The following OTUD4 variants were observed in gnomAD, a reference collection of about 807,000 sequenced individuals.
OTUD4 encodes OTU deubiquitinase 4.
A neutral mutation model predicts 130.4 loss-of-function variants in OTUD4; 24 were observed. That is an observed-to-expected ratio of 0.18 (90% CI 0.13 to 0.26). The LOEUF is 0.26. Ranked by LOEUF, OTUD4 falls within the 10% of genes least tolerant of loss-of-function variation. The probability of loss-of-function intolerance (pLI) is 1.00; values close to 1 mark genes in which losing one functional copy is unlikely to be tolerated. For synonymous variants in OTUD4, 420 were observed against 472.5 expected (o/e 0.89, Z 1.44); for missense variants, 1,031 against 1,329.4 (o/e 0.78, Z 3.49).
Position 145,146,277 on chromosome 4 carries a change from G to A in OTUD4, c.1412C>T (p.Pro471Leu). The A allele has an allele frequency of 1.3e-6, 2 of 1,545,332 alleles. No homozygotes were observed. The highest frequency in any genetic ancestry group is 1.7e-6 in the Non-Finnish European group (2 of 1,151,690). Residue 471 changes from proline to leucine, a missense_variant, in exon 14 of 21, where the codon CCA becomes CTA. Pro to Leu is a moderately conservative substitution (Grantham distance 98). This residue lies in a region of OTUD4 where 900 missense variants were observed against 1,095.9 expected (regional missense o/e 0.82). Coordinates refer to ENST00000447906, the MANE Select transcript of OTUD4 (RefSeq NM_001366057.1). The stretch of plus-strand genomic sequence containing the variant: ...TCTTTTCATACATACGGAAAGGGCT[G>A]GGAAAGCCTGTTCATCTCTGTTCTG... ...EIQNRDEQAF[P>L]ALSSSSVNQS...
chr4:145,146,385 C>T lies in OTUD4; in HGVS notation c.1304G>A (p.Arg435Gln), dbSNP rs370178922. 6.3e-7 allele frequency: 1 copy of T among 1,581,342 alleles called. No homozygotes were observed. ...GGAAAGGCCGAAATAGTTAGATTCT[C>T]GACTTGTGTGATCAAAATCCTCAAC... is the stretch of plus-strand genomic sequence containing the variant. ...ERVEDFDHTS[R>Q]ESNYFGLSPE... Residue 435 changes from arginine (R) to glutamine (Q), a missense_variant, in exon 14 of 21, where the codon CGA (arginine) becomes CAA (glutamine). This residue lies in a region of OTUD4 where 900 missense variants were observed against 1,095.9 expected (regional missense o/e 0.82). Coordinates refer to ENST00000447906, the MANE Select transcript of OTUD4 (RefSeq NM_001366057.1).
Position 145,179,800 on chromosome 4 carries a change from C to G in OTUD4, c.159+15G>C. ...CCGCCTCCCCTCGAAGCCCTCCCCG[C>G]CCCCCCGCAATTACCTGCTCCGCCA... is the stretch of plus-strand genomic sequence containing the variant. On this transcript the variant is annotated intron_variant, in intron 1 of 20. Transcript: ENST00000447906. The G allele has an allele frequency of 1.3e-6, 2 of 1,501,328 alleles. No homozygotes were observed. The highest frequency in any genetic ancestry group is 8.9e-7 in the Non-Finnish European group (1 of 1,125,914). The allele number at this position is 1,501,328 out of a possible 1,614,324, so 93.0% of individuals were successfully genotyped here.
intron 10 of OTUD4, among the ~76,000 whole-genome samples, chr4:145,153,015 G>C (rs1277532873): frequency 6.6e-6 from 1 of 151,988 alleles, no homozygotes; most frequent in Non-Finnish European, 1.5e-5. Context: ...GATTACAGGC[G>C]TGAGCCACCA....
chr4:145,150,097 CTT>C (rs1245246123), intron 13 of OTUD4, among the ~76,000 whole-genome samples: 1 of 152,160 alleles, frequency 6.6e-6, no homozygotes, highest in Non-Finnish European at 1.5e-5. Flanking sequence ...ACAATCAAAA[CTT>C]ATCAGATCAA....
At chr4:145,147,508 C>A (rs1195812319) in intron 13 of OTUD4, among the ~76,000 whole-genome samples, 3 of 151,768 alleles carry the variant, frequency 2.0e-5, no homozygotes, top group African/African-American at 7.3e-5. Flanking sequence ...TCCTATCATC[C>A]AAAAAAAATG....
chr4:145,139,890 G>A, intron 20 of OTUD4, 61 bp downstream of exon 20: 1 of 544,816 alleles, frequency 1.8e-6, no homozygotes, highest in East Asian at 4.3e-5. Flanking sequence ...GTTAACACTA[G>A]TAATAATTTA....
Position 145,141,491 on chromosome 4 carries a change from T to G in OTUD4, c.1971A>C (p.Thr657=). 4 of 1,613,622 alleles carry G rather than the reference T, an allele frequency of 2.5e-6. No homozygotes were observed. The highest frequency in any genetic ancestry group is 3.4e-6 in the Non-Finnish European group (4 of 1,179,642). The change falls in exon 19 of 21, where the codon ACA becomes ACC. Residue 657 remains threonine, a synonymous_variant. Transcript: ENST00000447906. The part of the protein sequence containing the change: ...VNQPLMPLPQ[T]LSLYQDPLYP... ...AGAGTGGGTCTTGATAAAGGCTCAA[T>G]GTCTGAGGCAAAGGCATCAAGGGCT...
At chr4:145,153,185 C>A (rs1751145104) in intron 10 of OTUD4, among the ~76,000 whole-genome samples, 1 of 152,114 alleles carries the variant, frequency 6.6e-6, no homozygotes, top group South Asian at 2.1e-4. Context: ...CTTCTTTGTC[C>A]TTCTAAATTT....
At position 145,137,769 on chromosome 4, in the gene OTUD4, A is replaced by G. The variant is rs764199765; in HGVS notation, c.3006T>C (p.Ala1002=). ...AGTTGGCCCCAGGGCTGACCACATCAGCAGCAGTCTTAGGATCTTTTACTT... is the reference window on the plus strand; with the variant it reads ...AGTTGGCCCCAGGGCTGACCACATCGGCAGCAGTCTTAGGATCTTTTACTT... ...TEKVKDPKTA[A]DVVSPGANSV... is the part of the protein sequence containing the mutation. Residue 1002 remains alanine, a synonymous_variant, in exon 21 of 21, where the codon GCT becomes GCC. Coordinates refer to ENST00000447906, the MANE Select transcript of OTUD4 (RefSeq NM_001366057.1). 25 of 1,613,918 alleles carry G rather than the reference A, an allele frequency of 1.5e-5. No homozygotes were observed. Among genetic ancestry groups the G allele is most frequent in the Non-Finnish European group, 2.0e-5 (24 of 1,180,012 alleles).
Position 145,174,412 on chromosome 4 carries a change from C to T in OTUD4, c.243+249G>A, listed in dbSNP as rs6848987. Among the ~76,000 whole-genome samples, 644 of 152,270 alleles carry T rather than the reference C, an allele frequency of 4.2e-3. 3 individuals carry two copies. The highest frequency in any genetic ancestry group is 0.014 in the African/African-American group (590 of 41,536). On this transcript the variant is annotated intron_variant, in intron 2 of 20. Coordinates refer to ENST00000447906, the MANE Select transcript of OTUD4 (RefSeq NM_001366057.1). Reference sequence around the variant, plus strand: ...CTTGTCCAGGTCATCTTTCCATCCCCCACAGCTCAGCGTCTTATCCATCAT... The same window carrying T: ...CTTGTCCAGGTCATCTTTCCATCCCTCACAGCTCAGCGTCTTATCCATCAT...
At chr4:145,149,897 A>G (rs1750988853) in intron 13 of OTUD4, among the ~76,000 whole-genome samples, 1 of 152,204 alleles carries the variant, frequency 6.6e-6, no homozygotes, top group African/African-American at 2.4e-5. Flanking sequence ...CCTCTCAAAT[A>G]AAGCTCTTCC....
At chr4:145,159,470 A>C in intron 7 of OTUD4, 33 bp downstream of exon 7, 1 of 1,611,894 alleles carries the variant, frequency 6.2e-7, no homozygotes, top group Non-Finnish European at 8.5e-7. Context: ...CTTGTATGGC[A>C]CTAAGAAAGG....
In OTUD4 at chr4:145,138,423, C is replaced by A; in HGVS notation, c.2352G>T (p.Glu784Asp). 1 of 1,614,208 alleles carries A rather than the reference C, an allele frequency of 6.2e-7. No individual in the cohort carries two copies. The highest frequency in any genetic ancestry group is 1.1e-5 in the South Asian group (1 of 91,074). ...GTGAAGAAAATGTCGGCGGTCCAATCTCTGGCTGTGGCATTTGACCATTAA... is the reference window on the plus strand; with the variant it reads ...GTGAAGAAAATGTCGGCGGTCCAATATCTGGCTGTGGCATTTGACCATTAA... ...ASVNGQMPQP[E>D]IGPPTFSSPL... Residue 784 changes from glutamate (E) to aspartate (D), a missense_variant, in exon 21 of 21, where the codon GAG (glutamate) becomes GAT (aspartate). Glu to Asp is a conservative substitution (Grantham distance 45). Coordinates refer to ENST00000447906, the MANE Select transcript of OTUD4 (RefSeq NM_001366057.1).
chr4:145,152,742 G>A (rs1751123581), intron 10 of OTUD4, 107 bp from the exon 11 acceptor site: 7 of 635,882 alleles, frequency 1.1e-5, no homozygotes, highest in Non-Finnish European at 1.1e-5. Context: ...CTTGAGACAG[G>A]GTCTCACTCT....
intron 10 of OTUD4, 128 bp from the exon 11 acceptor site, chr4:145,152,763 C>G (rs1751123889): frequency 1.6e-6 from 1 of 606,166 alleles, no homozygotes; most frequent in African/African-American, 1.9e-5. Context: ...GTCACCCAGG[C>G]TGAAGTGCAG....
Position 145,144,344 on chromosome 4 carries a change from G to A in OTUD4, c.1513C>T (p.Arg505Trp), listed in dbSNP as rs538676813. ...SHVGDRKGSR[R>W]RMDTEERKDK... The stretch of plus-strand genomic sequence containing the variant: ...TTTCGTTCTTCTGTATCCATTCTCC[G>A]CCTGCTTCCTTTTCTATCACCTACA... The change falls in exon 15 of 21, where the codon CGG (arginine) becomes TGG (tryptophan). Residue 505 changes from arginine to tryptophan, a missense_variant. Around this residue, in one of 3 missense-constraint regions of OTUD4, gnomAD observed 900 missense variants for 1,095.9 expected, o/e 0.82. Coordinates refer to ENST00000447906, the MANE Select transcript of OTUD4 (RefSeq NM_001366057.1). The A allele has an allele frequency of 8.7e-6, 14 of 1,612,196 alleles. No homozygotes were observed. Among genetic ancestry groups the A allele is most frequent in the African/African-American group, 2.7e-5 (2 of 74,834 alleles).
At chr4:145,179,060 G>A (rs1475217749) in intron 1 of OTUD4, among the ~76,000 whole-genome samples, 1 of 151,836 alleles carries the variant, frequency 6.6e-6, no homozygotes. Flanking sequence ...CATGGAATAA[G>A]CTCGCTCAAA....
rs1750140915 is a variant in OTUD4 at position 145,134,420 on chromosome 4, G to A, written c.*3010C>T. The A allele has an allele frequency of 3.1e-6, 1 of 324,200 alleles. No homozygotes were observed. The allele number at this position is 324,200 out of a possible 1,614,324, so 20.1% of individuals were successfully genotyped here. A position where few individuals can be genotyped will look rare whatever the true frequency, so the allele number is the denominator to read the frequency against. On this transcript the variant is annotated 3_prime_UTR_variant, in exon 21 of 21. Coordinates refer to ENST00000447906, the MANE Select transcript of OTUD4 (RefSeq NM_001366057.1). Reference sequence around the variant, plus strand: ...AAAGAGGCAAAAATAAATATTGCTAGTTTCTAGGATGGCTGAATGTTTTCT... The same window carrying A: ...AAAGAGGCAAAAATAAATATTGCTAATTTCTAGGATGGCTGAATGTTTTCT...
At chr4:145,161,595 T>C (rs914463507) in intron 6 of OTUD4, among the ~76,000 whole-genome samples, 2 of 152,168 alleles carry the variant, frequency 1.3e-5, no homozygotes, top group African/African-American at 2.4e-5. Context: ...GCAAAGGGAA[T>C]TCATATGCCC....
Sources: allele counts gnomAD v4.1 joint callset (sites outside exome capture counted in the v4.1 genomes callset), GRCh38; gene constraint gnomAD v4.1.1; regional missense constraint gnomAD v4.1.1; transcripts MANE v1.5; gene names NCBI Gene and HGNC (gene_info 2026-07-23, HGNC 2026-07-21).